The following COL18A1 variants were observed in gnomAD, a reference collection of about 807,000 sequenced individuals.
COL18A1 encodes collagen type XVIII alpha 1 chain.
A neutral mutation model predicts 168.0 loss-of-function variants in COL18A1; 133 were observed. The ratio of observed to expected loss-of-function variants is 0.79; its 90% CI spans 0.69 to 0.91. The LOEUF (loss-of-function observed/expected upper bound fraction) is 0.91, where lower values mean the gene tolerates loss of function less well. Ranked by LOEUF, COL18A1 falls within the 40% of genes least tolerant of loss-of-function variation. COL18A1 has a pLI of 0.00. For missense variants in COL18A1, 2,126 were observed against 1,925.4 expected, an observed-to-expected ratio of 1.10 and a Z score of -1.95; for synonymous variants, 949 against 809.0, an observed-to-expected ratio of 1.17 and a Z score of -2.94.
chr21:45,497,778 C>G, intron 32 of COL18A1, 117 bp downstream of exon 32: 1 of 1,394,532 alleles, frequency 7.2e-7, no homozygotes, highest in Non-Finnish European at 9.9e-7. Flanking sequence ...GTGGTGACCA[C>G]CTCACCCTGC....
At chr21:45,418,038 G>A (rs1044171821) in intron 2 of COL18A1, among the ~76,000 whole-genome samples, 11 of 152,202 alleles carry the variant, frequency 7.2e-5, no homozygotes, top group South Asian at 2.1e-4. Flanking sequence ...GTGCCTGTTC[G>A]TTAACGTGTG....
chr21:45,451,630 G>A (rs1004852150), intron 2 of COL18A1, among the ~76,000 whole-genome samples: 4 of 152,214 alleles, frequency 2.6e-5, no homozygotes, highest in Non-Finnish European at 4.4e-5. Context: ...AGGACGCCAC[G>A]TTCTGCACTC....
At chr21:45,414,126 T>C (rs898514502) in intron 2 of COL18A1, among the ~76,000 whole-genome samples, 4 of 152,134 alleles carry the variant, frequency 2.6e-5, no homozygotes, top group Admixed American at 6.5e-5. Flanking sequence ...CCCCAGGCCC[T>C]CCTGCCCAGC....
At chr21:45,440,622 C>G (rs2034344460) in intron 2 of COL18A1, among the ~76,000 whole-genome samples, 2 of 151,410 alleles carry the variant, frequency 1.3e-5, no homozygotes, top group Non-Finnish European at 2.9e-5. Context: ...GGGTTTGAGC[C>G]ACGTTCCCCG....
At chr21:45,485,459 G>A (rs942800879) in intron 15 of COL18A1, among the ~76,000 whole-genome samples, 1 of 151,878 alleles carries the variant, frequency 6.6e-6, no homozygotes, top group Non-Finnish European at 1.5e-5. Context: ...TCATGCCACT[G>A]TGCTCTAGCC....
chr21:45,482,066 C>G, intron 14 of COL18A1, 41 bp downstream of exon 14: 3 of 1,528,052 alleles, frequency 2.0e-6, no homozygotes, highest in Non-Finnish European at 2.7e-6. Context: ...GGAACCAGCA[C>G]CACACCATGT....
chr21:45,439,625 G>A (rs989558811), intron 2 of COL18A1, among the ~76,000 whole-genome samples: 3 of 152,356 alleles, frequency 2.0e-5, no homozygotes, highest in South Asian at 2.1e-4. Flanking sequence ...AGACGTCCTG[G>A]GCCAAGTCCT....
chr21:45,445,683 G>T (rs1438351085), intron 2 of COL18A1, among the ~76,000 whole-genome samples: 1 of 152,088 alleles, frequency 6.6e-6, no homozygotes, highest in Non-Finnish European at 1.5e-5. Flanking sequence ...GTTTTCATTT[G>T]CATTTTCATG....
chr21:45,431,334 C>G (rs999667889), intron 2 of COL18A1, among the ~76,000 whole-genome samples: 1 of 150,296 alleles, frequency 6.7e-6, no homozygotes, highest in African/African-American at 2.5e-5. Context: ...GACAGCGGAG[C>G]GTGTGTGGAC....
At chr21:45,436,445 G>T (rs2034098505) in intron 2 of COL18A1, among the ~76,000 whole-genome samples, 2 of 152,214 alleles carry the variant, frequency 1.3e-5, no homozygotes, top group Non-Finnish European at 2.9e-5. Context: ...TTCATTTCTT[G>T]TGATTTTAAA....
chr21:45,405,505 C>T (rs2033067419), intron 2 of COL18A1, 32 bp downstream of exon 2: 3 of 1,258,112 alleles, frequency 2.4e-6, no homozygotes, highest in Non-Finnish European at 3.0e-6. Flanking sequence ...AAGGTTCGCG[C>T]CGGTGCCCGC....
intron 34 of COL18A1, 79 bp from the exon 35 acceptor site, chr21:45,505,055 A>T: frequency 6.5e-7 from 1 of 1,541,332 alleles, no homozygotes; most frequent in Non-Finnish European, 8.8e-7. Context: ...GGGTCTTGGC[A>T]GCTGCAGCCC....
intron 28 of COL18A1, 74 bp from the exon 29 acceptor site, chr21:45,495,284 G>T: frequency 2.3e-6 from 3 of 1,320,984 alleles, no homozygotes; most frequent in East Asian, 2.5e-5. Context: ...TGGGGCTAAC[G>T]GCAGGCACCC....
intron 2 of COL18A1, among the ~76,000 whole-genome samples, chr21:45,411,482 G>A (rs1378977571): frequency 1.3e-5 from 2 of 152,118 alleles, no homozygotes; most frequent in African/African-American, 4.8e-5. Flanking sequence ...GTGCCTGCCC[G>A]AGAAGAGAAG....
At chr21:45,451,850 C>T (rs146175138) in intron 2 of COL18A1, among the ~76,000 whole-genome samples, 3,487 of 152,296 alleles carry the variant, frequency 0.023, 57 homozygotes, top group Middle Eastern at 0.061. Flanking sequence ...ATCCATGGGC[C>T]CTCTTCCTCC....
Position 45,468,743 on chromosome 21 carries a change from T to C in COL18A1, c.608T>C (p.Leu203Pro), listed in dbSNP as rs749208018. ...RGLELEPGAG[L>P]FVAQAGGADP... The stretch of plus-strand genomic sequence containing the variant: ...CTGGAGCTGGAGCCTGGCGCCGGGC[T>C]CTTCGTGGCTCAGGCGGGGGGAGCG... Residue 203 changes from leucine to proline, a missense_variant, in exon 3 of 42, where the codon CTC becomes CCC. Physicochemically the swap from Leu to Pro is moderately conservative, Grantham distance 98. Transcript: ENST00000651438. 1 of 1,609,376 alleles carries C rather than the reference T, an allele frequency of 6.2e-7. No individual in the cohort carries two copies. Among genetic ancestry groups the C allele is most frequent in the Non-Finnish European group, 8.5e-7 (1 of 1,179,756 alleles).
rs1220724564 is a variant in COL18A1, at chr21:45,405,204, C to T, written c.-27C>T. 1.2e-5 allele frequency: 4 copies of T among 337,604 alleles called. No individual in the cohort carries two copies. The highest frequency in any genetic ancestry group is 5.3e-5 in the Admixed American group (1 of 18,910). 20.9% of individuals were successfully genotyped at this position (337,604 alleles called of 1,614,324 possible). A position where few individuals can be genotyped will look rare whatever the true frequency, so the allele number is the denominator to read the frequency against. On this transcript the variant is annotated 5_prime_UTR_variant, in exon 1 of 42. Coordinates refer to ENST00000651438, the MANE Select transcript of COL18A1 (RefSeq NM_001379500.1). ...CACCGCGGCGGAGGAGGCAGCATCC[C>T]GCGGCGCTGACGGTCCTGGGGAGAG...
chr21:45,454,844 C>T (rs902851845), intron 2 of COL18A1, among the ~76,000 whole-genome samples: 1 of 152,202 alleles, frequency 6.6e-6, no homozygotes, highest in African/African-American at 2.4e-5. Flanking sequence ...GCATTCCTGC[C>T]CTGGTCCCGG....
intron 32 of COL18A1, among the ~76,000 whole-genome samples, chr21:45,503,516 C>T (rs1041092904): frequency 4.0e-5 from 6 of 151,702 alleles, no homozygotes; most frequent in African/African-American, 1.2e-4. Flanking sequence ...AATCATCATT[C>T]TCAGTAAACT....
Sources: allele counts gnomAD v4.1 joint callset (sites outside exome capture counted in the v4.1 genomes callset), GRCh38; gene constraint gnomAD v4.1.1; transcripts MANE v1.5; gene names NCBI Gene and HGNC (gene_info 2026-07-23, HGNC 2026-07-21).